Variants in CCDC83 observed in about 807,000 individuals in gnomAD.
CCDC83 encodes coiled-coil domain-containing protein 83.
In CCDC83, 54 loss-of-function variants were observed where a neutral mutation model predicts 50.1. The ratio of observed to expected loss-of-function variants is 1.08; its 90% CI spans 0.87 to 1.35. The LOEUF (loss-of-function observed/expected upper bound fraction) is 1.35. Ranked by LOEUF, CCDC83 falls within the 40% of genes most tolerant of loss-of-function variation. The probability of loss-of-function intolerance (pLI) is 0.00; values close to 1 mark genes in which losing one functional copy is unlikely to be tolerated. For synonymous variants in CCDC83, 161 were observed against 153.3 expected, an observed-to-expected ratio of 1.05 and a Z score of -0.37; for missense variants, 518 against 473.9, an observed-to-expected ratio of 1.09 and a Z score of -0.86.
At chr11:85,891,359 T>C (rs1221756662) in intron 5 of CCDC83, among the ~76,000 whole-genome samples, 1 of 152,156 alleles carries the variant, frequency 6.6e-6, no homozygotes, top group African/African-American at 2.4e-5. Context: ...AGAAAACACT[T>C]AGAGCTGCTT....
At chr11:85,869,711 GTCAGAT>G (rs2093226811) in intron 2 of CCDC83, among the ~76,000 whole-genome samples, 1 of 152,204 alleles carries the variant, frequency 6.6e-6, no homozygotes, top group Non-Finnish European at 1.5e-5. Flanking sequence ...AGTGTGACAT[GTCAGAT>G]TCTAGGGCAC....
chr11:85,896,751 C>G lies in CCDC83; in HGVS notation c.603+1367C>G, dbSNP rs529828983. On this transcript the variant is annotated intron_variant, in intron 6 of 10. Transcript: ENST00000342404. ...GTTCTCTAATTCCTTTGTTTTTACA[C>G]AAAATATCTGATTTTTTTTTTTTTT... Among the ~76,000 whole-genome samples, 8 of 145,256 alleles carry G rather than the reference C, an allele frequency of 5.5e-5. No individual in the cohort carries two copies. In the East Asian group the frequency reaches 1.6e-3, roughly 29 times the overall value.
intron 3 of CCDC83, among the ~76,000 whole-genome samples, chr11:85,874,160 A>G (rs1253884353): frequency 6.6e-6 from 1 of 152,202 alleles, no homozygotes; most frequent in Non-Finnish European, 1.5e-5. Flanking sequence ...CATTCAGTAC[A>G]TATTTAGTGG....
In CCDC83 at chr11:85,919,228, C is replaced by G. The variant is rs2093497171; in HGVS notation, c.1081-121C>G. On this transcript the variant is annotated intron_variant, in intron 10 of 10. Transcript: ENST00000342404. ...ATTTCATGTGCTACACAGCATCAGG[C>G]AATTAGGGGGCAATGAAGTCTGTCA... is the stretch of plus-strand genomic sequence containing the variant. 3.5e-6 allele frequency: 3 copies of G among 857,500 alleles called. No homozygotes were observed. In the Admixed American group the frequency reaches 7.8e-5, roughly 22 times the overall value. The allele number at this position is 857,500 out of a possible 1,614,324, so 53.1% of individuals were successfully genotyped here.
At chr11:85,908,431 T>G (rs1697040437) in intron 7 of CCDC83, among the ~76,000 whole-genome samples, 1 of 151,850 alleles carries the variant, frequency 6.6e-6, no homozygotes, top group Non-Finnish European at 1.5e-5. Flanking sequence ...CGGGCGCCCG[T>G]GGAAGGCACC....
intron 1 of CCDC83, among the ~76,000 whole-genome samples, chr11:85,860,061 G>A (rs2093166438): frequency 6.6e-6 from 1 of 152,164 alleles, no homozygotes; most frequent in Non-Finnish European, 1.5e-5. Flanking sequence ...GGCTGAGGCA[G>A]TCAGATCACA....
In CCDC83 at chr11:85,919,492, G is replaced by A; in HGVS notation, c.1224G>A (p.Met408Ile). The A allele has an allele frequency of 1.2e-6, 2 of 1,606,842 alleles. No homozygotes were observed. Among genetic ancestry groups the A allele is most frequent in the Non-Finnish European group, 1.7e-6 (2 of 1,177,538 alleles). Residue 408 changes from methionine to isoleucine, a missense_variant, in exon 11 of 11, where the codon ATG (methionine) becomes ATA (isoleucine). Coordinates refer to ENST00000342404, the MANE Select transcript of CCDC83 (RefSeq NM_001286159.2). ...RSPESHITYK[M>I]MKSFL ...CAGAAAGCCACATCACATATAAGAT[G>A]ATGAAGTCTTTTCTCTAAGACGGAA...
At chr11:85,886,910 CA>C (rs1307072233) in intron 5 of CCDC83, among the ~76,000 whole-genome samples, 3 of 151,172 alleles carry the variant, frequency 2.0e-5, no homozygotes, top group Non-Finnish European at 3.0e-5. Context: ...GACCTTGTCT[CA>C]AAAAAAAGAA....
chr11:85,905,195 C>T (rs960021183), intron 7 of CCDC83, among the ~76,000 whole-genome samples: 4 of 151,882 alleles, frequency 2.6e-5, no homozygotes, highest in Non-Finnish European at 5.9e-5. Context: ...GTAATCTCAG[C>T]ACTTTGGGAG....
rs746536033 is a variant in CCDC83 at position 85,895,269 on chromosome 11, T to TC, written c.512-24_512-23insC. ...TTGATAAGGCTTTTAATTTTCTTTT[T>TC]TTTTTTTTTTTTTTTTTTTAAAGAA... On this transcript the variant is annotated intron_variant, in intron 5 of 10. Transcript: ENST00000342404. 49 of 665,682 alleles carry TC rather than the reference T, an allele frequency of 7.4e-5. No individual in the cohort carries two copies. In the African/African-American group the frequency reaches 1.2e-3, roughly 16 times the overall value. The allele number at this position is 665,682 out of a possible 1,614,324, so 41.2% of individuals were successfully genotyped here. A position where few individuals can be genotyped will look rare whatever the true frequency, so the allele number is the denominator to read the frequency against.
chr11:85,902,535 A>C (rs2093406885), intron 7 of CCDC83, among the ~76,000 whole-genome samples: 1 of 152,204 alleles, frequency 6.6e-6, no homozygotes, highest in Non-Finnish European at 1.5e-5. Context: ...TCCAGGCTCT[A>C]AAACCACATA....
intron 1 of CCDC83, among the ~76,000 whole-genome samples, chr11:85,862,122 A>C (rs572722824): frequency 4.9e-4 from 74 of 152,226 alleles, no homozygotes; most frequent in African/African-American, 1.7e-3. Flanking sequence ...TGCAGAGCCA[A>C]AGCAGTATGG....
chr11:85,882,355 T>C (rs75775690), intron 3 of CCDC83, among the ~76,000 whole-genome samples, 158 bp from the exon 4 acceptor site: 7,251 of 152,188 alleles, frequency 0.048, 277 homozygotes, highest in South Asian at 0.095. Flanking sequence ...CCAGGGGAAG[T>C]AGGGATACCA....
At chr11:85,895,878 A>G (rs1055197499) in intron 6 of CCDC83, among the ~76,000 whole-genome samples, 1 of 152,190 alleles carries the variant, frequency 6.6e-6, no homozygotes, top group African/African-American at 2.4e-5. Flanking sequence ...CAGCGGCACA[A>G]TCACAGCTCA....
chr11:85,885,433 A>G (rs112370452), intron 4 of CCDC83, among the ~76,000 whole-genome samples: 6 of 152,314 alleles, frequency 3.9e-5, no homozygotes, highest in African/African-American at 1.4e-4. Flanking sequence ...ACTCTCAAAC[A>G]AGGTGATATA....
intron 7 of CCDC83, among the ~76,000 whole-genome samples, chr11:85,901,004 G>A (rs1000337426): frequency 4.0e-5 from 6 of 151,496 alleles, no homozygotes; most frequent in African/African-American, 1.5e-4. Context: ...GGCAGAGGTT[G>A]CAATGAGCCA....
At chr11:85,873,413 T>C in intron 3 of CCDC83, 118 bp downstream of exon 3, 1 of 467,408 alleles carries the variant, frequency 2.1e-6, no homozygotes, top group Non-Finnish European at 3.8e-6. Flanking sequence ...AGCTTGGAAT[T>C]GATTGATTTA....
chr11:85,870,893 G>A lies in CCDC83; in HGVS notation c.96-2318G>A, dbSNP rs1028718819. Among the ~76,000 whole-genome samples, 6 of 152,164 alleles carry A rather than the reference G, an allele frequency of 3.9e-5. No homozygotes were observed. In the East Asian group the frequency reaches 5.8e-4, roughly 15 times the overall value. ...TCAAAATTATCTCTGTAGGCCAGGCGCAGTGGCTCATGCCTATAATCCTAG... is the reference window on the plus strand; with the variant it reads ...TCAAAATTATCTCTGTAGGCCAGGCACAGTGGCTCATGCCTATAATCCTAG... On this transcript the variant is annotated intron_variant, in intron 2 of 10. Transcript: ENST00000342404.
In CCDC83 at chr11:85,898,946, G is replaced by T. The variant is rs1433297999; in HGVS notation, c.604-1G>T. On this transcript the variant is annotated splice_acceptor_variant, in intron 6 of 10. Coordinates refer to ENST00000342404, the MANE Select transcript of CCDC83 (RefSeq NM_001286159.2). LOFTEE classifies it high-confidence loss of function. ...TCCTTAATCCAGAAACTTTCTTTTA[G>T]AATGCTGTAAAGCTCATTGACAAGG... The T allele has an allele frequency of 1.9e-6, 3 of 1,607,784 alleles. No individual in the cohort carries two copies. In the East Asian group the frequency reaches 6.7e-5, roughly 36 times the overall value.
Sources: allele counts gnomAD v4.1 joint callset (sites outside exome capture counted in the v4.1 genomes callset), GRCh38; gene constraint gnomAD v4.1.1; transcripts MANE v1.5; gene names NCBI Gene and HGNC (gene_info 2026-07-23, HGNC 2026-07-21).